The following FAM167A variants were observed in gnomAD, a reference collection of about 807,000 sequenced individuals.
The protein encoded by FAM167A is protein FAM167A.
Under a neutral mutation model 14.9 loss-of-function variants are expected in FAM167A, and 23 were observed. The observed-to-expected ratio is 1.55, with a 90% CI of 1.11 to 2.19. The LOEUF (loss-of-function observed/expected upper bound fraction) is 2.19, where lower values mean the gene tolerates loss of function less well. FAM167A is among the 30% of genes most tolerant of loss of function. FAM167A has a pLI of 0.00. For synonymous variants in FAM167A, 174 were observed against 117.7 expected (o/e 1.48, Z -3.10); for missense variants, 401 against 281.5 (o/e 1.42, Z -3.04).
intron 1 of FAM167A, among the ~76,000 whole-genome samples, chr8:11,463,051 G>A (rs550522779): frequency 1.3e-5 from 2 of 152,302 alleles, no homozygotes; most frequent in South Asian, 4.1e-4. Flanking sequence ...CGAGCCCACA[G>A]GACAGGCTGT....
intron 1 of FAM167A, among the ~76,000 whole-genome samples, chr8:11,461,142 G>A (rs973058261): frequency 3.5e-4 from 54 of 152,358 alleles, no homozygotes; most frequent in African/African-American, 1.2e-3. Context: ...GCAAGGCGGG[G>A]AGAAAGCCCA....
At chr8:11,455,870 G>A (rs1807245763) in intron 1 of FAM167A, among the ~76,000 whole-genome samples, 1 of 143,640 alleles carries the variant, frequency 7.0e-6, no homozygotes, top group South Asian at 2.3e-4. Context: ...GTATGAGTGT[G>A]AGTGTGGGGT....
chr8:11,462,373 C>T (rs529649690), intron 1 of FAM167A, among the ~76,000 whole-genome samples: 9 of 152,302 alleles, frequency 5.9e-5, no homozygotes, highest in African/African-American at 1.9e-4. Flanking sequence ...TGTAATGGAT[C>T]GTACCTCACA....
chr8:11,437,235 G>A (rs1806082398), intron 2 of FAM167A, among the ~76,000 whole-genome samples: 1 of 152,154 alleles, frequency 6.6e-6, no homozygotes. Flanking sequence ...TCTTGGGCAA[G>A]TTTTTTAACC....
chr8:11,443,105 G>A (rs972135476), intron 2 of FAM167A, among the ~76,000 whole-genome samples: 5 of 152,220 alleles, frequency 3.3e-5, no homozygotes, highest in South Asian at 2.1e-4. Context: ...GGCCTGACTC[G>A]CAGGTGTCAC....
chr8:11,442,653 G>A (rs1806511823), intron 2 of FAM167A, among the ~76,000 whole-genome samples: 1 of 149,476 alleles, frequency 6.7e-6, no homozygotes, highest in Non-Finnish European at 1.5e-5. Flanking sequence ...GCTGTGCGCG[G>A]TCTGTCCTGG....
chr8:11,435,243 C>G (rs1010274989), intron 2 of FAM167A: 1 of 405,940 alleles, frequency 2.5e-6, no homozygotes, highest in Non-Finnish European at 5.0e-6. Flanking sequence ...TCAGGACCAG[C>G]TCAGCCTTTG....
intron 2 of FAM167A, chr8:11,443,782 G>A: frequency 2.0e-6 from 1 of 500,676 alleles, no homozygotes. Flanking sequence ...TTCAGGTTCT[G>A]CCAGAAAACA....
At chr8:11,431,193 T>G (rs1490398639) in intron 2 of FAM167A, among the ~76,000 whole-genome samples, 2 of 152,226 alleles carry the variant, frequency 1.3e-5, no homozygotes, top group Non-Finnish European at 2.9e-5. Context: ...ATCCATAAAG[T>G]GGAATATTAT....
At position 11,422,129 on chromosome 8, in the gene FAM167A, G is replaced by A. The variant is rs886399685; in HGVS notation, c.*2244C>T. 3.6e-6 allele frequency: 1 copy of A among 279,640 alleles called. No homozygotes were observed. The highest frequency in any genetic ancestry group is 6.6e-6 in the Non-Finnish European group (1 of 151,360). The allele number at this position is 279,640 out of a possible 1,614,324, so 17.3% of individuals were successfully genotyped here. ...AGTTTCCACCCAGAGAATGAAGAAA[G>A]CAAGCAAGCACTGGGTTACCCAAGC... On this transcript the variant is annotated 3_prime_UTR_variant, in exon 3 of 3. Coordinates refer to ENST00000284486, the MANE Select transcript of FAM167A (RefSeq NM_053279.3).
At chr8:11,429,112 A>G (rs951353119) in intron 2 of FAM167A, among the ~76,000 whole-genome samples, 2 of 151,998 alleles carry the variant, frequency 1.3e-5, no homozygotes, top group Non-Finnish European at 2.9e-5. Flanking sequence ...TCCATCAAAC[A>G]CTAACTCCCC....
upstream of FAM167A, among the ~76,000 whole-genome samples, chr8:11,471,969 G>C (rs1306274852): frequency 1.3e-5 from 2 of 152,368 alleles, no homozygotes; most frequent in East Asian, 3.9e-4. Flanking sequence ...CTTTGTTCAA[G>C]GGTCCAAGGA....
intron 2 of FAM167A, among the ~76,000 whole-genome samples, chr8:11,432,673 G>C (rs538630307): frequency 2.0e-5 from 3 of 152,330 alleles, no homozygotes; most frequent in African/African-American, 7.2e-5. Context: ...CAAGGATGTA[G>C]AACAGGAAAT....
At chr8:11,454,867 G>A (rs1161194597) in intron 1 of FAM167A, among the ~76,000 whole-genome samples, 2 of 152,166 alleles carry the variant, frequency 1.3e-5, no homozygotes, top group African/African-American at 4.8e-5. Flanking sequence ...AGAGGACAGG[G>A]ACACAGCCCT....
chr8:11,448,251 C>A (rs564850629), intron 1 of FAM167A, among the ~76,000 whole-genome samples: 2 of 151,608 alleles, frequency 1.3e-5, no homozygotes, highest in Admixed American at 6.6e-5. Context: ...AGAGCATGAA[C>A]CCACACGAGG....
At chr8:11,464,453 C>G (rs1430746034) in intron 1 of FAM167A, among the ~76,000 whole-genome samples, 4 of 152,162 alleles carry the variant, frequency 2.6e-5, no homozygotes, top group African/African-American at 9.7e-5. Flanking sequence ...TGCTCCCCAC[C>G]TCCCCCTGCC....
intron 2 of FAM167A, 94 bp downstream of exon 2, chr8:11,443,937 G>C: frequency 7.1e-7 from 1 of 1,410,916 alleles, no homozygotes; most frequent in East Asian, 2.3e-5. Flanking sequence ...AATACATGGT[G>C]GGGGTGGGGA....
At chr8:11,430,099 G>A (rs191583171) in intron 2 of FAM167A, among the ~76,000 whole-genome samples, 1 of 152,292 alleles carries the variant, frequency 6.6e-6, no homozygotes, top group Admixed American at 6.5e-5. Flanking sequence ...TGCTGTCTCT[G>A]GCAAAGGCTC....
At chr8:11,469,882 AAATAAATAAAT>A (rs1414737958), upstream of FAM167A, among the ~76,000 whole-genome samples, 1 of 26,648 alleles carries the variant, frequency 3.8e-5, no homozygotes, top group African/African-American at 1.4e-4. Flanking sequence ...CCTGTCTCAA[AAATAAATAAAT>A]AAATAAATAA....
Sources: allele counts gnomAD v4.1 joint callset (sites outside exome capture counted in the v4.1 genomes callset), GRCh38; gene constraint gnomAD v4.1.1; transcripts MANE v1.5; gene names NCBI Gene and HGNC (gene_info 2026-07-23, HGNC 2026-07-21).